GOLT1A: variants seen among roughly 807,000 people sequenced by gnomAD.
GOLT1A encodes golgi transport 1A, also known as vesicle transport protein GOT1A.
GOLT1A carries 10 observed loss-of-function variants against 16.1 expected under a neutral mutation model. The ratio of observed to expected loss-of-function variants is 0.62; its 90% CI spans 0.38 to 1.05. The LOEUF is 1.05. Among genes scored for constraint, GOLT1A ranks in the 50% least tolerant of loss-of-function variants. The pLI is 0.01. For synonymous variants in GOLT1A, 60 were observed against 67.9 expected, an observed-to-expected ratio of 0.88 and a Z score of 0.57; for missense variants, 137 against 165.7, an observed-to-expected ratio of 0.83 and a Z score of 0.95.
In GOLT1A at chr1:204,213,902, A is replaced by C; in HGVS notation, c.5T>G (p.Ile2Ser). 6.2e-7 allele frequency: 1 copy of C among 1,613,298 alleles called. No homozygotes were observed. Among genetic ancestry groups the C allele is most frequent in the Non-Finnish European group, 8.5e-7 (1 of 1,179,840 alleles). M[I>S]SITEWQKIGV... ...CTTACTCTGCCATTCGGTGATGGAG[A>C]TCATGCCGCACTCAGCCTGGGGGGC... The change falls in exon 1 of 5, where the codon ATC becomes AGC. Residue 2 changes from isoleucine to serine, a missense_variant. By Grantham distance (142) the Ile-to-Ser change is moderately radical. Coordinates refer to ENST00000308302, the MANE Select transcript of GOLT1A (RefSeq NM_198447.2).
intron 1 of GOLT1A, among the ~76,000 whole-genome samples, chr1:204,203,868 A>C (rs919053677): frequency 1.3e-5 from 2 of 151,986 alleles, no homozygotes; most frequent in African/African-American, 4.8e-5. Context: ...TAAGTGTCTC[A>C]GGGCATTCTT....
chr1:204,198,945 A>C (rs1658907429), intron 4 of GOLT1A: 3 of 546,254 alleles, frequency 5.5e-6, no homozygotes, highest in Non-Finnish European at 9.8e-6. Context: ...GAAGCTATTC[A>C]TAGCTACCTG....
intron 1 of GOLT1A, among the ~76,000 whole-genome samples, chr1:204,213,078 C>T (rs1246401164): frequency 6.6e-6 from 1 of 152,136 alleles, no homozygotes; most frequent in Non-Finnish European, 1.5e-5. Flanking sequence ...TATAAAATAG[C>T]GACCCCTCCT....
At chr1:204,203,176 G>T (rs542897146) in intron 1 of GOLT1A, among the ~76,000 whole-genome samples, 189 bp from the exon 2 acceptor site, 5 of 152,300 alleles carry the variant, frequency 3.3e-5, no homozygotes, top group African/African-American at 1.2e-4. Context: ...ATGAAGCTTT[G>T]TCTGGCACCT....
chr1:204,201,171 G>T (rs904805587), intron 3 of GOLT1A, among the ~76,000 whole-genome samples: 33 of 152,354 alleles, frequency 2.2e-4, no homozygotes, highest in African/African-American at 7.5e-4. Context: ...CCTGGGTTAA[G>T]GGCGACCTTT....
intron 3 of GOLT1A, among the ~76,000 whole-genome samples, chr1:204,200,299 G>GTGTGTGTATATATA: frequency 2.4e-5 from 2 of 82,682 alleles, no homozygotes; most frequent in Admixed American, 1.2e-4. Context: ...ACATATATGT[G>GTGTGTGTATATATA]TATATATATA....
chr1:204,212,621 A>G (rs1191641893), intron 1 of GOLT1A, among the ~76,000 whole-genome samples: 1 of 121,904 alleles, frequency 8.2e-6, no homozygotes, highest in Non-Finnish European at 1.6e-5. Flanking sequence ...TGAGCGACAG[A>G]GTGAGACTCT....
rs189737665 is a variant in GOLT1A at position 204,200,547 on chromosome 1, C to T, written c.296+1086G>A. On this transcript the variant is annotated intron_variant, in intron 3 of 4. Transcript: ENST00000308302. The stretch of plus-strand genomic sequence containing the variant: ...TTCACTATGTTGGCTAGTCTGTTCT[C>T]GAACTCCTGACCTCAAGTGATCCGC... Among the ~76,000 whole-genome samples the T allele has an allele frequency of 1.9e-4, 29 of 151,752 alleles. 1 individual carries two copies. Among genetic ancestry groups the T allele is most frequent in the Admixed American group, 1.6e-3 (25 of 15,248 alleles).
At position 204,202,877 on chromosome 1, in the gene GOLT1A, A is replaced by G. The variant is rs754213887; in HGVS notation, c.117+19T>C. The G allele has an allele frequency of 3.8e-6, 6 of 1,593,462 alleles. No individual in the cohort carries two copies. The highest frequency in any genetic ancestry group is 5.2e-6 in the Non-Finnish European group (6 of 1,161,386). ...AAGGTTGGGGCAGGGGAGTGGGGAC[A>G]CAGGGCTGGGAGACTCACGTTTCCA... is the stretch of plus-strand genomic sequence containing the variant. On this transcript the variant is annotated intron_variant, in intron 2 of 4. Transcript: ENST00000308302.
intron 3 of GOLT1A, among the ~76,000 whole-genome samples, chr1:204,200,910 C>A (rs1658946827): frequency 6.6e-6 from 1 of 152,188 alleles, no homozygotes; most frequent in Non-Finnish European, 1.5e-5. Flanking sequence ...TCCTTCCCAC[C>A]CCCACTTTCT....
chr1:204,199,969 A>G (rs963834912), intron 3 of GOLT1A, among the ~76,000 whole-genome samples: 2 of 152,002 alleles, frequency 1.3e-5, no homozygotes, highest in African/African-American at 2.4e-5. Context: ...GTGGGCCTCA[A>G]TTTTCCAAGG....
intron 1 of GOLT1A, among the ~76,000 whole-genome samples, chr1:204,203,306 C>T (rs547501541): frequency 3.3e-5 from 5 of 152,324 alleles, no homozygotes; most frequent in African/African-American, 1.2e-4. Flanking sequence ...TCAAAAGCCA[C>T]ATTATCCACA....
chr1:204,212,609 C>T (rs1182520281), intron 1 of GOLT1A, among the ~76,000 whole-genome samples: 1 of 133,036 alleles, frequency 7.5e-6, no homozygotes, highest in Non-Finnish European at 1.5e-5. Flanking sequence ...TGTACTCCAA[C>T]CTGAGCGACA....
intron 4 of GOLT1A, 190 bp downstream of exon 4, chr1:204,199,005 T>G (rs1658908378): frequency 1.7e-6 from 1 of 596,346 alleles, no homozygotes; most frequent in South Asian, 2.1e-5. Context: ...CCTCTCCTCA[T>G]GGGCTCTTGT....
At chr1:204,199,400 G>T in intron 3 of GOLT1A, 142 bp from the exon 4 acceptor site, 1 of 682,452 alleles carries the variant, frequency 1.5e-6, no homozygotes. Context: ...CCTGTGTTCC[G>T]AGAGACAGTC....
chr1:204,208,034 A>G (rs1327477385), intron 1 of GOLT1A, among the ~76,000 whole-genome samples: 1 of 152,204 alleles, frequency 6.6e-6, no homozygotes, highest in East Asian at 1.9e-4. Flanking sequence ...TGTGGTGAAC[A>G]GGGAACACTT....
At chr1:204,212,820 C>T (rs1659160891) in intron 1 of GOLT1A, among the ~76,000 whole-genome samples, 1 of 152,134 alleles carries the variant, frequency 6.6e-6, no homozygotes, top group Admixed American at 6.5e-5. Context: ...CCCTCAGTGA[C>T]ATCCCTGACC....
rs1457710103 is a variant in GOLT1A, at chr1:204,198,317, G to A, written c.*141C>T. ...TTGGGGATTTGACGTCAGTTGCTCA[G>A]CTCCATTCCTTCCTTCTGGACTTGG... On this transcript the variant is annotated 3_prime_UTR_variant, in exon 5 of 5. Coordinates refer to ENST00000308302, the MANE Select transcript of GOLT1A (RefSeq NM_198447.2). 1.3e-6 allele frequency: 1 copy of A among 767,650 alleles called. No homozygotes were observed. Among genetic ancestry groups the A allele is most frequent in the Non-Finnish European group, 2.2e-6 (1 of 464,424 alleles). 47.6% of individuals were successfully genotyped at this position (767,650 alleles called of 1,614,324 possible). A position where few individuals can be genotyped will look rare whatever the true frequency, so the allele number is the denominator to read the frequency against.
intron 3 of GOLT1A, among the ~76,000 whole-genome samples, chr1:204,200,998 C>G (rs1051042540): frequency 1.3e-5 from 2 of 152,184 alleles, no homozygotes; most frequent in Non-Finnish European, 2.9e-5. Context: ...AGGCTTCTCT[C>G]AAGTCCTGCT....
Sources: gnomAD v4.1 joint callset for allele counts (sites outside exome capture counted in the v4.1 genomes callset) on GRCh38, gnomAD v4.1.1 for gene constraint, MANE v1.5 for transcripts, NCBI Gene and HGNC (gene_info 2026-07-23, HGNC 2026-07-21) for gene names.